Variants in CNTN5 observed in about 807,000 individuals in gnomAD.
CNTN5 encodes the protein contactin 5, also known as contactin-5.
In CNTN5, 77 loss-of-function variants were observed where a neutral mutation model predicts 129.1. That is an observed-to-expected ratio of 0.60 (90% CI 0.50 to 0.72). The LOEUF (loss-of-function observed/expected upper bound fraction) is 0.72. Among genes scored for constraint, CNTN5 ranks in the 30% least tolerant of loss-of-function variants. The probability of loss-of-function intolerance (pLI) is 0.00; values close to 1 mark genes in which losing one functional copy is unlikely to be tolerated. For missense variants in CNTN5, 1,478 were observed against 1,328.8 expected (o/e 1.11, Z -1.75); for synonymous variants, 509 against 465.6 (o/e 1.09, Z -1.20).
intron 1 of CNTN5, among the ~76,000 whole-genome samples, chr11:99,029,111 T>A (rs370344409): frequency 6.6e-6 from 1 of 151,034 alleles, no homozygotes; most frequent in East Asian, 1.9e-4. Context: ...ATATCTACTT[T>A]TCAATGGTAA....
chr11:99,108,975 A>T (rs1857648343), intron 1 of CNTN5, among the ~76,000 whole-genome samples: 1 of 151,926 alleles, frequency 6.6e-6, no homozygotes, highest in Admixed American at 6.6e-5. Context: ...AAGCATATAT[A>T]TACAAAAAAG....
chr11:99,516,912 A>C (rs2135426885), intron 2 of CNTN5, among the ~76,000 whole-genome samples: 1 of 152,278 alleles, frequency 6.6e-6, no homozygotes, highest in Middle Eastern at 3.4e-3. Flanking sequence ...CAAGTGAAAT[A>C]ATTAGCAGTT....
At chr11:99,608,349 A>T (rs1381751927) in intron 3 of CNTN5, among the ~76,000 whole-genome samples, 1 of 152,152 alleles carries the variant, frequency 6.6e-6, no homozygotes, top group Non-Finnish European at 1.5e-5. Context: ...TCTACAAAAC[A>T]GTAAGATTAG....
intron 3 of CNTN5, among the ~76,000 whole-genome samples, chr11:99,759,753 C>CAG (rs769949625): frequency 1.0e-4 from 15 of 150,358 alleles, no homozygotes; most frequent in Non-Finnish European, 1.9e-4. Flanking sequence ...GGGAGGGAGG[C>CAG]AGAGAGAGAG....
intron 4 of CNTN5, among the ~76,000 whole-genome samples, chr11:99,843,272 A>G (rs998900510): frequency 6.6e-6 from 1 of 152,170 alleles, no homozygotes; most frequent in Non-Finnish European, 1.5e-5. Flanking sequence ...TTCAAAGAAA[A>G]TACTCGTCAG....
intron 3 of CNTN5, among the ~76,000 whole-genome samples, chr11:99,585,732 G>A (rs1949772318): frequency 6.6e-6 from 1 of 152,108 alleles, no homozygotes; most frequent in African/African-American, 2.4e-5. Flanking sequence ...TGGGATCGTA[G>A]ACACTGGAAT....
chr11:99,051,594 G>A (rs973926766), intron 1 of CNTN5, among the ~76,000 whole-genome samples: 2 of 151,886 alleles, frequency 1.3e-5, no homozygotes, highest in Non-Finnish European at 2.9e-5. Context: ...ATTACCCACT[G>A]CGTTGAGAGC....
intron 2 of CNTN5, among the ~76,000 whole-genome samples, chr11:99,412,958 A>G (rs1286501223): frequency 6.6e-6 from 1 of 152,226 alleles, no homozygotes; most frequent in East Asian, 1.9e-4. Flanking sequence ...GCAGACATCA[A>G]CAACAAATTG....
intron 2 of CNTN5, among the ~76,000 whole-genome samples, chr11:99,472,366 C>G (rs1945208839): frequency 1.3e-5 from 2 of 151,582 alleles, no homozygotes; most frequent in Admixed American, 6.6e-5. Flanking sequence ...TTTGTACCTT[C>G]TTTTCTTGGC....
At chr11:99,988,845 G>A (rs1938863345) in intron 8 of CNTN5, among the ~76,000 whole-genome samples, 1 of 76,484 alleles carries the variant, frequency 1.3e-5, no homozygotes, top group African/African-American at 4.6e-5. Context: ...TGGGGTGTGT[G>A]TGTGTTTGTG....
chr11:99,824,991 T>C (rs1237537633), intron 4 of CNTN5, among the ~76,000 whole-genome samples: 1 of 152,032 alleles, frequency 6.6e-6, no homozygotes, highest in Non-Finnish European at 1.5e-5. Flanking sequence ...TAGCATAGTG[T>C]TTGTTAAGTT....
chr11:99,671,621 AT>A lies in CNTN5; in HGVS notation c.55+115358del, dbSNP rs1047542062. ...TTGAAGGGCTGAGGCACATTATCGA[AT>A]TTTTTGGAAACATAAAAAATGCTGT... is the stretch of plus-strand genomic sequence containing the variant. On this transcript the variant is annotated intron_variant, in intron 3 of 24. Transcript: ENST00000524871. Among the ~76,000 whole-genome samples the A allele has an allele frequency of 1.0e-3, 155 of 152,268 alleles. 3 individuals carry two copies. The highest frequency in any genetic ancestry group is 2.3e-3 in the East Asian group (12 of 5,188).
At chr11:100,023,019 G>A (rs1941240403) in intron 9 of CNTN5, among the ~76,000 whole-genome samples, 1 of 151,732 alleles carries the variant, frequency 6.6e-6, no homozygotes, top group African/African-American at 2.4e-5. Context: ...CATGTTTCTT[G>A]TGCTTGTGGT....
At chr11:99,305,657 G>T (rs1864841007) in intron 1 of CNTN5, among the ~76,000 whole-genome samples, 1 of 152,094 alleles carries the variant, frequency 6.6e-6, no homozygotes, top group Non-Finnish European at 1.5e-5. Context: ...ATAATAAGAA[G>T]AAAAGTGTGC....
chr11:99,713,425 A>T (rs1955084886), intron 3 of CNTN5, among the ~76,000 whole-genome samples: 1 of 152,056 alleles, frequency 6.6e-6, no homozygotes, highest in African/African-American at 2.4e-5. Context: ...CTAAATACAC[A>T]ATCACGTCAT....
At chr11:99,206,550 C>T (rs1200913899) in intron 1 of CNTN5, among the ~76,000 whole-genome samples, 1 of 150,292 alleles carries the variant, frequency 6.7e-6, no homozygotes, top group Non-Finnish European at 1.5e-5. Flanking sequence ...TGATTTTTCT[C>T]CTACTATTAG....
intron 8 of CNTN5, among the ~76,000 whole-genome samples, chr11:99,985,162 G>A (rs562841424): frequency 3.9e-4 from 59 of 152,208 alleles, no homozygotes; most frequent in Non-Finnish European, 7.1e-4. Context: ...CAAGGGCAAA[G>A]GGTCAGTGTG....
intron 2 of CNTN5, among the ~76,000 whole-genome samples, chr11:99,375,296 C>G (rs1461925798): frequency 1.3e-5 from 1 of 79,652 alleles, no homozygotes; most frequent in Non-Finnish European, 2.2e-5. Flanking sequence ...GAGTGGGAGT[C>G]TGTCTCAAAA....
At chr11:99,863,581 A>T (rs1170303271) in intron 6 of CNTN5, among the ~76,000 whole-genome samples, 4 of 152,166 alleles carry the variant, frequency 2.6e-5, no homozygotes, top group Non-Finnish European at 4.4e-5. Context: ...GGCTTCCAAA[A>T]TAAGAACAAT....
Sources: allele counts gnomAD v4.1 joint callset (sites outside exome capture counted in the v4.1 genomes callset), GRCh38; gene constraint gnomAD v4.1.1; transcripts MANE v1.5; gene names NCBI Gene and HGNC (gene_info 2026-07-23, HGNC 2026-07-21).